The following LRP1B variants were observed in gnomAD, a reference collection of about 807,000 sequenced individuals.
LRP1B encodes low-density lipoprotein receptor-related protein 1B.
Under a neutral mutation model 556.6 loss-of-function variants are expected in LRP1B, and 217 were observed. The observed-to-expected ratio is 0.39, with a 90% CI of 0.35 to 0.44. The LOEUF is 0.44. Ranked by LOEUF, LRP1B falls within the 20% of genes least tolerant of loss-of-function variation. The pLI is 1.00. For synonymous variants in LRP1B, 2,047 were observed against 1,865.8 expected, an observed-to-expected ratio of 1.10 and a Z score of -2.50; for missense variants, 5,053 against 5,620.8, an observed-to-expected ratio of 0.90 and a Z score of 3.23.
intron 89 of LRP1B, among the ~76,000 whole-genome samples, chr2:140,237,239 C>T (rs2104879283): frequency 6.6e-6 from 1 of 150,996 alleles, no homozygotes; most frequent in East Asian, 2.0e-4. Flanking sequence ...TCTATAGATT[C>T]ACATGTGAGT....
intron 2 of LRP1B, among the ~76,000 whole-genome samples, chr2:141,709,290 A>G (rs1692266434): frequency 6.6e-6 from 1 of 152,092 alleles, no homozygotes; most frequent in Non-Finnish European, 1.5e-5. Context: ...CAGAAGTTGC[A>G]GTGAGCCAAG....
At chr2:140,962,048 C>T (rs1696052201) in intron 18 of LRP1B, among the ~76,000 whole-genome samples, 1 of 152,064 alleles carries the variant, frequency 6.6e-6, no homozygotes, top group Non-Finnish European at 1.5e-5. Flanking sequence ...CTTTCTTTAG[C>T]TAAATGTATC....
chr2:140,450,685 A>C (rs1397687428), intron 62 of LRP1B, 24 bp from the exon 63 acceptor site: 2 of 1,549,732 alleles, frequency 1.3e-6, no homozygotes, highest in African/African-American at 1.4e-5. Context: ...AAAAGAAAAA[A>C]AAATGTTGAA....
At chr2:141,375,982 T>C (rs1353514156) in intron 3 of LRP1B, among the ~76,000 whole-genome samples, 1 of 152,120 alleles carries the variant, frequency 6.6e-6, no homozygotes, top group Non-Finnish European at 1.5e-5. Context: ...GGCAAGAAGC[T>C]GTCGGGAGAG....
chr2:141,843,715 A>G (rs1174714760), intron 1 of LRP1B, among the ~76,000 whole-genome samples: 2 of 152,298 alleles, frequency 1.3e-5, no homozygotes, highest in Non-Finnish European at 2.9e-5. Context: ...ATTTCCCAAT[A>G]TAACAGTTTA....
chr2:141,694,000 T>C (rs1486712968), intron 2 of LRP1B, among the ~76,000 whole-genome samples: 1 of 152,002 alleles, frequency 6.6e-6, no homozygotes, highest in Non-Finnish European at 1.5e-5. Flanking sequence ...TGCAAATACC[T>C]GTCCAAACTC....
At chr2:141,150,052 G>T (rs1701882507) in intron 7 of LRP1B, among the ~76,000 whole-genome samples, 1 of 152,166 alleles carries the variant, frequency 6.6e-6, no homozygotes, top group African/African-American at 2.4e-5. Context: ...TGGGTGTGAG[G>T]TTGTGAGGGT....
chr2:142,003,328 T>C (rs1702711791), intron 1 of LRP1B, among the ~76,000 whole-genome samples: 2 of 152,234 alleles, frequency 1.3e-5, no homozygotes, highest in Admixed American at 6.5e-5. Flanking sequence ...GCTGGGCCAA[T>C]GGGTAATTTT....
chr2:141,785,698 T>A (rs1695409521), intron 2 of LRP1B, among the ~76,000 whole-genome samples: 3 of 150,806 alleles, frequency 2.0e-5, no homozygotes. Flanking sequence ...GGAGCAGAAA[T>A]TACTTGGCCT....
chr2:141,135,680 G>T (rs551193626), intron 7 of LRP1B, among the ~76,000 whole-genome samples: 26 of 152,028 alleles, frequency 1.7e-4, no homozygotes, highest in Non-Finnish European at 1.5e-5. Context: ...ATTTTTGAAA[G>T]ACATGATTTG....
intron 59 of LRP1B, among the ~76,000 whole-genome samples, chr2:140,479,334 C>T (rs1243004262): frequency 6.6e-6 from 1 of 151,620 alleles, no homozygotes; most frequent in Non-Finnish European, 1.5e-5. Context: ...ATAATTAAAG[C>T]TAAAAATGAC....
chr2:140,235,462 G>C (rs1680653492), intron 89 of LRP1B, among the ~76,000 whole-genome samples: 2 of 151,106 alleles, frequency 1.3e-5, no homozygotes. Context: ...TATTAAGGTT[G>C]CTTCAATATG....
intron 1 of LRP1B, among the ~76,000 whole-genome samples, chr2:141,818,888 A>G (rs1234612256): frequency 6.6e-6 from 1 of 151,610 alleles, no homozygotes; most frequent in Admixed American, 6.6e-5. Flanking sequence ...GCCCTTTCCT[A>G]TCTAACACAT....
intron 2 of LRP1B, among the ~76,000 whole-genome samples, chr2:141,746,128 G>A (rs1693907938): frequency 6.6e-6 from 1 of 152,030 alleles, no homozygotes; most frequent in African/African-American, 2.4e-5. Context: ...GGTAGTACAA[G>A]CACTCCCTTA....
In LRP1B at chr2:140,416,872, TCA is replaced by T. The variant is rs538313514; in HGVS notation, c.10414+25630_10414+25631del. Among the ~76,000 whole-genome samples, 807 of 152,268 alleles carry T rather than the reference TCA, an allele frequency of 5.3e-3. 15 individuals are homozygous for T. The highest frequency in any genetic ancestry group is 4.6e-3 in the Non-Finnish European group (314 of 68,020). On this transcript the variant is annotated intron_variant, in intron 66 of 90. Coordinates refer to ENST00000389484, the MANE Select transcript of LRP1B (RefSeq NM_018557.3). ...TGCCCACACTGCACACTTGTTTCAG[TCA>T]CAGTTTTGGAAAACCCACAAGCTAA...
At chr2:140,567,237 C>A (rs1249142813) in intron 43 of LRP1B, among the ~76,000 whole-genome samples, 1 of 152,162 alleles carries the variant, frequency 6.6e-6, no homozygotes, top group East Asian at 1.9e-4. Flanking sequence ...AGGGTCCAAG[C>A]AACAGCTGTG....
At chr2:141,361,436 G>C (rs1243977826) in intron 3 of LRP1B, among the ~76,000 whole-genome samples, 1 of 152,048 alleles carries the variant, frequency 6.6e-6, no homozygotes, top group African/African-American at 2.4e-5. Context: ...GAGATATGCT[G>C]TTATACAAAT....
chr2:141,616,144 T>C (rs1159206931), intron 2 of LRP1B, among the ~76,000 whole-genome samples: 1 of 152,008 alleles, frequency 6.6e-6, no homozygotes, highest in Non-Finnish European at 1.5e-5. Flanking sequence ...TAGCTGGGTG[T>C]GGTGGCGTGT....
chr2:141,041,212 A>G (rs1055704059), intron 11 of LRP1B, among the ~76,000 whole-genome samples: 6 of 152,152 alleles, frequency 3.9e-5, no homozygotes, highest in African/African-American at 7.2e-5. Context: ...TAAAGTCAGT[A>G]TATCAGTATA....
Sources: gnomAD v4.1 joint callset for allele counts (sites outside exome capture counted in the v4.1 genomes callset) on GRCh38, gnomAD v4.1.1 for gene constraint, MANE v1.5 for transcripts, NCBI Gene and HGNC (gene_info 2026-07-23, HGNC 2026-07-21) for gene names.